The following GNAS variants were observed in gnomAD, a reference collection of about 807,000 sequenced individuals.
GNAS encodes the protein GNAS complex locus, also known as protein ALEX.
Under a neutral mutation model 54.5 loss-of-function variants are expected in GNAS, and 8 were observed. The ratio of observed to expected loss-of-function variants is 0.15; its 90% CI spans 0.09 to 0.26. The LOEUF (loss-of-function observed/expected upper bound fraction) is 0.26, where lower values mean the gene tolerates loss of function less well. Ranked by LOEUF, GNAS falls within the 10% of genes least tolerant of loss-of-function variation. GNAS has a pLI of 1.00. For missense variants in GNAS, 170 were observed against 529.8 expected (o/e 0.32, Z 6.67); for synonymous variants, 204 against 191.4 (o/e 1.07, Z -0.54).
intron 3 of GNAS, chr20:58,900,164 A>T: frequency 1.7e-6 from 1 of 585,350 alleles, no homozygotes; most frequent in Admixed American, 3.1e-5. Context: ...GCAGAAATGT[A>T]GTATGACAAC....
At chr20:58,893,329 G>A (rs1475656291) in intron 1 of GNAS, among the ~76,000 whole-genome samples, 1 of 151,666 alleles carries the variant, frequency 6.6e-6, no homozygotes, top group Non-Finnish European at 1.5e-5. Flanking sequence ...GCTGTTTTGG[G>A]GGAAAAAAAT....
chr20:58,858,694 T>C (rs1388439942), intron 1 of GNAS, among the ~76,000 whole-genome samples: 1 of 152,220 alleles, frequency 6.6e-6, no homozygotes, highest in African/African-American at 2.4e-5. Flanking sequence ...ATTTATACAG[T>C]GAATCACAAT....
intron 1 of GNAS, among the ~76,000 whole-genome samples, chr20:58,878,444 T>C (rs1369986766): frequency 1.3e-5 from 2 of 152,314 alleles, no homozygotes; most frequent in African/African-American, 4.8e-5. Flanking sequence ...ATTACGGACA[T>C]TTACAAGTAA....
At chr20:58,879,911 A>G (rs1481123674) in intron 1 of GNAS, among the ~76,000 whole-genome samples, 1 of 152,228 alleles carries the variant, frequency 6.6e-6, no homozygotes, top group Non-Finnish European at 1.5e-5. Flanking sequence ...AGCAAAAAAT[A>G]AGGTTGAGAA....
At chr20:58,847,451 A>C (rs1404639757) in intron 1 of GNAS, among the ~76,000 whole-genome samples, 1 of 152,256 alleles carries the variant, frequency 6.6e-6, no homozygotes, top group Non-Finnish European at 1.5e-5. Context: ...TTGATTGAAA[A>C]GTAATTAATT....
intron 1 of GNAS, among the ~76,000 whole-genome samples, chr20:58,877,760 G>T (rs537530939): frequency 6.6e-6 from 1 of 152,224 alleles, no homozygotes; most frequent in Non-Finnish European, 1.5e-5. Flanking sequence ...CCCACCTCCC[G>T]GCCTTGCCGG....
intron 1 of GNAS, among the ~76,000 whole-genome samples, chr20:58,858,135 A>G (rs766607361): frequency 6.6e-6 from 1 of 152,204 alleles, no homozygotes; most frequent in Non-Finnish European, 1.5e-5. Context: ...ATGAGGACTT[A>G]CTCACATGTA....
At chr20:58,878,913 G>T (rs1287070006) in intron 1 of GNAS, among the ~76,000 whole-genome samples, 11 of 15,810 alleles carry the variant, frequency 7.0e-4, no homozygotes, top group South Asian at 2.4e-3. Context: ...GGGTGCGGGT[G>T]GGGGGGGGAG....
intron 1 of GNAS, chr20:58,854,269 C>A (rs758121962): frequency 6.2e-7 from 1 of 1,612,330 alleles, no homozygotes. Flanking sequence ...CTTGACGGCC[C>A]GCCCATCAAG....
intron 3 of GNAS, chr20:58,900,262 TAGTG>T (rs745379078): frequency 2.3e-5 from 11 of 477,046 alleles, no homozygotes; most frequent in East Asian, 1.1e-4. Context: ...GACAAGTCCT[TAGTG>T]AGCAACCTAC....
At chr20:58,875,047 A>C (rs2087717349) in intron 1 of GNAS, among the ~76,000 whole-genome samples, 1 of 152,154 alleles carries the variant, frequency 6.6e-6, no homozygotes, top group Non-Finnish European at 1.5e-5. Flanking sequence ...ATATCTGTGT[A>C]ATACAGATTG....
chr20:58,895,558 C>A (rs950159802), intron 1 of GNAS, 54 bp from the exon 2 acceptor site: 9 of 1,067,544 alleles, frequency 8.4e-6, no homozygotes, highest in African/African-American at 3.1e-5. Flanking sequence ...GACCTCCCTG[C>A]CCAAAGTGTT....
chr20:58,869,003 C>T (rs1011126652), intron 1 of GNAS, among the ~76,000 whole-genome samples: 7 of 152,216 alleles, frequency 4.6e-5, no homozygotes, highest in African/African-American at 7.2e-5. Context: ...CCCAAGGACA[C>T]GGCCCCTGCC....
At chr20:58,897,041 A>T (rs2090131250) in intron 2 of GNAS, among the ~76,000 whole-genome samples, 1 of 152,220 alleles carries the variant, frequency 6.6e-6, no homozygotes, top group Non-Finnish European at 1.5e-5. Context: ...GGATGACATC[A>T]CCCATACGAA....
chr20:58,849,393 C>G (rs2086063520), intron 1 of GNAS, among the ~76,000 whole-genome samples: 2 of 152,194 alleles, frequency 1.3e-5, no homozygotes, highest in South Asian at 2.1e-4. Context: ...GCCAATTGTT[C>G]AAGATTCTAT....
chr20:58,864,133 G>C (rs976307087), intron 1 of GNAS: 1 of 152,082 alleles, frequency 6.6e-6, no homozygotes, highest in Admixed American at 6.6e-5. Context: ...AATGAAAACA[G>C]GAAACCTGTC....
intron 1 of GNAS, among the ~76,000 whole-genome samples, chr20:58,871,793 G>A (rs1169586925): frequency 1.3e-5 from 2 of 152,052 alleles, no homozygotes; most frequent in East Asian, 3.9e-4. Flanking sequence ...AGAAAAGAGT[G>A]CCTTTGCCAA....
chr20:58,842,662 T>G (rs1443627159), intron 1 of GNAS: 3 of 396,516 alleles, frequency 7.6e-6, no homozygotes, highest in African/African-American at 2.1e-5. Flanking sequence ...GGCTTGCCCC[T>G]AAGTCGAAAT....
At chr20:58,903,461 CTT>C in intron 3 of GNAS, 68 bp from the exon 4 acceptor site, 1 of 1,268,708 alleles carries the variant, frequency 7.9e-7, no homozygotes, top group Non-Finnish European at 1.2e-6. Flanking sequence ...GTCGGGATGT[CTT>C]TATGAAAGCA....
Sources: allele counts gnomAD v4.1 joint callset (sites outside exome capture counted in the v4.1 genomes callset), GRCh38; gene constraint gnomAD v4.1.1; transcripts MANE v1.5; gene names NCBI Gene and HGNC (gene_info 2026-07-23, HGNC 2026-07-21).